Variants in CSTF3 observed in about 807,000 individuals in gnomAD.
CSTF3 encodes cleavage stimulation factor subunit 3, also known as CF-1 77 kDa subunit.
A neutral mutation model predicts 105.8 loss-of-function variants in CSTF3; 29 were observed. The ratio of observed to expected loss-of-function variants is 0.27; its 90% CI spans 0.20 to 0.37. CSTF3 has a LOEUF of 0.37. CSTF3 is among the 10% of genes least tolerant of loss of function. CSTF3 has a pLI of 1.00. For missense variants in CSTF3, 357 were observed against 879.3 expected, an observed-to-expected ratio of 0.41 and a Z score of 7.51; for synonymous variants, 252 against 281.9, an observed-to-expected ratio of 0.89 and a Z score of 1.06.
chr11:33,095,831 T>G (rs141098304), intron 15 of CSTF3, among the ~76,000 whole-genome samples: 1 of 135,520 alleles, frequency 7.4e-6, no homozygotes, highest in Non-Finnish European at 1.7e-5. Flanking sequence ...AATAAATAAA[T>G]AAATAAATAA....
intron 8 of CSTF3, among the ~76,000 whole-genome samples, chr11:33,105,056 T>C (rs1168256676): frequency 6.6e-6 from 1 of 152,154 alleles, no homozygotes. Flanking sequence ...GCCAAGGAAC[T>C]TCCTTTTAAT....
chr11:33,135,193 C>A (rs1394986301), intron 3 of CSTF3, among the ~76,000 whole-genome samples: 1 of 152,050 alleles, frequency 6.6e-6, no homozygotes, highest in African/African-American at 2.4e-5. Flanking sequence ...AGTAAAAAAA[C>A]GGTTACAGTT....
chr11:33,099,274 C>A lies in CSTF3; in HGVS notation c.937-124G>T. ...CTAAGAAAGCATACATGTATGTACA[C>A]ACATATATATGTATCCACACACACA... On this transcript the variant is annotated intron_variant, in intron 11 of 20. Coordinates refer to ENST00000323959, the MANE Select transcript of CSTF3 (RefSeq NM_001326.3). This position sits in a 1 kb window ranked among gnomAD's most constrained non-coding sequence, Gnocchi z 4.1. 8.6e-7 allele frequency: 1 copy of A among 1,164,826 alleles called. No homozygotes were observed. Among genetic ancestry groups the A allele is most frequent in the Non-Finnish European group, 1.2e-6 (1 of 836,646 alleles). 72.2% of individuals were successfully genotyped at this position (1,164,826 alleles called of 1,614,324 possible). A position where few individuals can be genotyped will look rare whatever the true frequency, so the allele number is the denominator to read the frequency against.
intron 3 of CSTF3, among the ~76,000 whole-genome samples, chr11:33,124,540 A>C (rs1364209352): frequency 6.6e-6 from 1 of 152,148 alleles, no homozygotes; most frequent in Admixed American, 6.5e-5. Flanking sequence ...ACTCATAATC[A>C]TTTTTGCCCT....
At chr11:33,096,644 T>G (rs922242478) in intron 14 of CSTF3, among the ~76,000 whole-genome samples, 191 bp downstream of exon 14, 3 of 152,210 alleles carry the variant, frequency 2.0e-5, no homozygotes, top group African/African-American at 7.2e-5. Context: ...ATATAGTGAT[T>G]AATGAAGCAT....
intron 15 of CSTF3, among the ~76,000 whole-genome samples, chr11:33,094,077 A>G (rs1245252348): frequency 6.6e-6 from 1 of 152,238 alleles, no homozygotes; most frequent in Non-Finnish European, 1.5e-5. Context: ...GCATAGCTCT[A>G]TAACTTAAAT....
intron 17 of CSTF3, among the ~76,000 whole-genome samples, chr11:33,089,454 G>GT (rs1261829109): frequency 1.3e-5 from 2 of 152,070 alleles, no homozygotes; most frequent in Non-Finnish European, 2.9e-5. Flanking sequence ...GACCCGCTGT[G>GT]TATCATTTAG....
intron 12 of CSTF3, 49 bp downstream of exon 12, chr11:33,098,985 C>T (rs143587013): frequency 5.2e-6 from 8 of 1,540,024 alleles, no homozygotes; most frequent in African/African-American, 1.4e-5. Flanking sequence ...AAGTTCAGTC[C>T]TGCACTAAAA....
intron 1 of CSTF3, among the ~76,000 whole-genome samples, chr11:33,143,942 A>C (rs1329706926): frequency 6.6e-6 from 1 of 152,172 alleles, no homozygotes; most frequent in African/African-American, 2.4e-5. Flanking sequence ...GTTAGCCGAG[A>C]TAGCACCACT....
At chr11:33,093,569 C>T (rs1855189331) in intron 15 of CSTF3, among the ~76,000 whole-genome samples, 3 of 152,196 alleles carry the variant, frequency 2.0e-5, no homozygotes, top group Middle Eastern at 3.4e-3. Flanking sequence ...TTTAATCAAC[C>T]TAATATATCC....
chr11:33,148,934 C>G (rs188895468), intron 1 of CSTF3, among the ~76,000 whole-genome samples: 1 of 150,470 alleles, frequency 6.6e-6, no homozygotes, highest in Non-Finnish European at 1.5e-5. Flanking sequence ...TCCAGTGATC[C>G]TCCTGTCTCA....
intron 1 of CSTF3, among the ~76,000 whole-genome samples, chr11:33,155,441 C>T (rs1849850840): frequency 1.3e-5 from 2 of 150,884 alleles, no homozygotes; most frequent in South Asian, 2.1e-4. Flanking sequence ...TTATATTTAC[C>T]ATTATCTGCT....
intron 3 of CSTF3, among the ~76,000 whole-genome samples, chr11:33,129,321 A>G (rs1056122402): frequency 1.3e-5 from 2 of 151,282 alleles, no homozygotes; most frequent in Non-Finnish European, 2.9e-5. Flanking sequence ...TAAACTCCTG[A>G]CCTCGAGTGA....
At chr11:33,108,634 T>C (rs1035393654) in intron 3 of CSTF3, among the ~76,000 whole-genome samples, 1 of 152,160 alleles carries the variant, frequency 6.6e-6, no homozygotes, top group Non-Finnish European at 1.5e-5. Context: ...TTTTCATACA[T>C]TTACATATAA....
chr11:33,114,632 C>A (rs1208305123), intron 3 of CSTF3, among the ~76,000 whole-genome samples: 1 of 152,036 alleles, frequency 6.6e-6, no homozygotes, highest in Admixed American at 6.5e-5. Context: ...GGGTGGATCA[C>A]CTGAGGTCCG....
chr11:33,089,004 G>A (rs1475821609), intron 17 of CSTF3, among the ~76,000 whole-genome samples: 1 of 152,204 alleles, frequency 6.6e-6, no homozygotes, highest in African/African-American at 2.4e-5. Flanking sequence ...ACAAAGTACA[G>A]TAAGTCCCTC....
chr11:33,148,856 CTG>C (rs528125568), intron 1 of CSTF3, among the ~76,000 whole-genome samples: 2 of 126,372 alleles, frequency 1.6e-5, no homozygotes, highest in African/African-American at 2.9e-5. Context: ...TGTACTGTTG[CTG>C]TGTTTTTTTT....
chr11:33,131,242 T>C (rs973953125), intron 3 of CSTF3, among the ~76,000 whole-genome samples: 1 of 152,196 alleles, frequency 6.6e-6, no homozygotes, highest in East Asian at 1.9e-4. Flanking sequence ...ACACAGAAGT[T>C]ATTGTACCAT....
rs1849894118 is a variant in CSTF3, at chr11:33,158,435, A to C, written c.27+2864T>G. ...TTGCAGAAAGTATGAGCCAGTAAAC[A>C]GACACAGACCAACAGAATTGTGGGT... On this transcript the variant is annotated intron_variant, in intron 1 of 20. Coordinates refer to ENST00000323959, the MANE Select transcript of CSTF3 (RefSeq NM_001326.3). 2.0e-5 allele frequency among the ~76,000 whole-genome samples: 3 copies of C among 152,262 alleles called. No individual in the cohort carries two copies. In the South Asian group the frequency reaches 6.2e-4, roughly 31 times the overall value.
Sources: allele counts gnomAD v4.1 joint callset (sites outside exome capture counted in the v4.1 genomes callset), GRCh38; gene constraint gnomAD v4.1.1; non-coding constraint Gnocchi (gnomAD v3.1); transcripts MANE v1.5; gene names NCBI Gene and HGNC (gene_info 2026-07-23, HGNC 2026-07-21).